The following SHTN1 variants were observed in gnomAD, a reference collection of about 807,000 sequenced individuals.
SHTN1 encodes shootin 1.
In SHTN1, 42 loss-of-function variants were observed where a neutral mutation model predicts 83.1. The ratio of observed to expected loss-of-function variants is 0.51; its 90% CI spans 0.39 to 0.65. The LOEUF (loss-of-function observed/expected upper bound fraction) is 0.65, where lower values mean the gene tolerates loss of function less well. Among genes scored for constraint, SHTN1 ranks in the 30% least tolerant of loss-of-function variants. The pLI, the probability that SHTN1 is intolerant of heterozygous loss-of-function variation, is 0.00. For missense variants in SHTN1, 622 were observed against 737.8 expected (o/e 0.84, Z 1.82); for synonymous variants, 224 against 247.7 (o/e 0.90, Z 0.90).
At position 116,987,927 on chromosome 10, in the gene SHTN1, C is replaced by A. The variant is rs138700561; in HGVS notation, c.59-8619G>T. On this transcript the variant is annotated intron_variant, in intron 1 of 16. Transcript: ENST00000355371. ...ACTCCGTCTCAAAAAAACAAACAAA[C>A]AAAAAAAAAAACCGTGGGTGCCAAG... is the stretch of plus-strand genomic sequence containing the variant. 2.9e-4 allele frequency among the ~76,000 whole-genome samples: 40 copies of A among 139,672 alleles called. No individual in the cohort carries two copies. The South Asian group carries it at 3.1e-3, about 11-fold the overall frequency. 91.6% of individuals were successfully genotyped at this position (139,672 alleles called of 152,430 possible).
intron 1 of SHTN1, among the ~76,000 whole-genome samples, chr10:116,981,373 G>A (rs1221863661): frequency 6.6e-6 from 1 of 152,110 alleles, no homozygotes; most frequent in African/African-American, 2.4e-5. Flanking sequence ...GACTGACCTA[G>A]AATGAAGCTC....
At position 117,103,305 on chromosome 10, in the gene SHTN1, G is replaced by C. The variant is rs148855219; in HGVS notation, c.-189+23002C>G. ...GGGGTTTCATCATGTTAGCCAGGCT[G>C]GTCTCGAACTCCTGACCTCAAGTGA... On this transcript the variant is annotated intron_variant, in intron 1 of 17. Coordinates refer to the SHTN1 transcript ENST00000392901. Among the ~76,000 whole-genome samples the C allele has an allele frequency of 9.9e-3, 1,504 of 152,038 alleles. 19 individuals carry two copies. Among genetic ancestry groups the C allele is most frequent in the African/African-American group, 0.035 (1,434 of 41,468 alleles).
intron 1 of SHTN1, among the ~76,000 whole-genome samples, chr10:117,061,764 C>T (rs1852907783): frequency 1.3e-5 from 2 of 152,340 alleles, no homozygotes; most frequent in South Asian, 2.1e-4. Flanking sequence ...AGCCACCACA[C>T]CTCGCCAGGT....
At chr10:116,984,841 C>CT (rs1339529864) in intron 1 of SHTN1, among the ~76,000 whole-genome samples, 1 of 152,214 alleles carries the variant, frequency 6.6e-6, no homozygotes, top group Non-Finnish European at 1.5e-5. Context: ...TCCCACTCTA[C>CT]TGCCCACCAT....
At chr10:117,017,046 A>T (rs1231832678) in intron 2 of SHTN1, among the ~76,000 whole-genome samples, 1 of 152,134 alleles carries the variant, frequency 6.6e-6, no homozygotes, top group Non-Finnish European at 1.5e-5. Context: ...GGCTGATTCT[A>T]AGGCTGTGGC....
intron 3 of SHTN1, 155 bp from the exon 4 acceptor site, chr10:116,960,385 T>A (rs1452369295): frequency 2.0e-6 from 1 of 508,834 alleles, no homozygotes; most frequent in Non-Finnish European, 3.5e-6. Flanking sequence ...GCTGCCCTGA[T>A]TAAATCTGAG....
intron 3 of SHTN1, among the ~76,000 whole-genome samples, chr10:116,963,036 T>A (rs1850240663): frequency 4.2e-4 from 1 of 2,370 alleles, no homozygotes; most frequent in Non-Finnish European, 1.6e-3. Flanking sequence ...ATAATAAAAG[T>A]TTTTTTTTTT....
At chr10:116,889,856 T>C (rs1847281194) in intron 16 of SHTN1, among the ~76,000 whole-genome samples, 1 of 152,236 alleles carries the variant, frequency 6.6e-6, no homozygotes, top group African/African-American at 2.4e-5. Context: ...ATTTTTCCCC[T>C]GTGGTTTGTA....
At chr10:116,953,972 C>G (rs765250515) in intron 5 of SHTN1, 70 bp downstream of exon 5, 4 of 1,242,778 alleles carry the variant, frequency 3.2e-6, no homozygotes, top group Non-Finnish European at 4.5e-6. Context: ...TTCTGATGTG[C>G]AGTCAGGGTT....
chr10:117,025,915 C>T (rs1852326953), intron 2 of SHTN1, among the ~76,000 whole-genome samples: 1 of 152,140 alleles, frequency 6.6e-6, no homozygotes, highest in Non-Finnish European at 1.5e-5. Flanking sequence ...AGCAGCAATA[C>T]CCAGATACTA....
intron 2 of SHTN1, among the ~76,000 whole-genome samples, chr10:116,979,017 T>G (rs1297145590): frequency 6.6e-6 from 1 of 152,228 alleles, no homozygotes; most frequent in Non-Finnish European, 1.5e-5. Flanking sequence ...TTGCTGCACA[T>G]TTAGCCATGT....
intron 2 of SHTN1, among the ~76,000 whole-genome samples, chr10:117,037,007 A>C (rs1852508037): frequency 6.6e-6 from 1 of 152,244 alleles, no homozygotes; most frequent in African/African-American, 2.4e-5. Context: ...TCTATGTAGA[A>C]AATCCAAAAG....
chr10:116,993,212 T>C (rs1851509489), intron 1 of SHTN1, among the ~76,000 whole-genome samples: 1 of 152,056 alleles, frequency 6.6e-6, no homozygotes, highest in African/African-American at 2.4e-5. Context: ...AGACAAGGTT[T>C]CACCGTGTTA....
chr10:117,035,819 G>A (rs1852485899), intron 2 of SHTN1, among the ~76,000 whole-genome samples: 1 of 28,154 alleles, frequency 3.6e-5, no homozygotes. Flanking sequence ...GGTAGCACAT[G>A]CCTGTAAATC....
At chr10:116,991,999 A>T (rs1244622869) in intron 1 of SHTN1, among the ~76,000 whole-genome samples, 1 of 151,972 alleles carries the variant, frequency 6.6e-6, no homozygotes, top group African/African-American at 2.4e-5. Flanking sequence ...CATACTAGCC[A>T]GGCGTAGTGG....
chr10:116,913,644 T>C (rs1053119461), intron 13 of SHTN1, among the ~76,000 whole-genome samples: 29 of 152,356 alleles, frequency 1.9e-4, no homozygotes, highest in African/African-American at 7.0e-4. Flanking sequence ...TCTCTAGTAA[T>C]AGTTTGGTTT....
chr10:116,957,443 G>A (rs1055231850), intron 4 of SHTN1, among the ~76,000 whole-genome samples: 4 of 151,024 alleles, frequency 2.6e-5, no homozygotes, highest in African/African-American at 4.9e-5. Context: ...TAGTAGAGAC[G>A]GGGTTTCACC....
chr10:117,005,153 A>C lies in SHTN1; in HGVS notation c.-74T>G. 6.4e-7 allele frequency: 1 copy of C among 1,550,772 alleles called. No individual in the cohort carries two copies. Among genetic ancestry groups the C allele is most frequent in the Admixed American group, 2.0e-5 (1 of 51,042 alleles). ...GCACACAGGAGGAGGGGGAAGAAAA[A>C]GCAAGATGCCGGTGGCTTGCGGCTC... is the stretch of plus-strand genomic sequence containing the variant. On this transcript the variant is annotated 5_prime_UTR_variant, in exon 1 of 17. Coordinates refer to ENST00000355371, the MANE Select transcript of SHTN1 (RefSeq NM_001127211.3).
At chr10:116,945,702 A>C (rs1224725877) in intron 7 of SHTN1, among the ~76,000 whole-genome samples, 2 of 152,194 alleles carry the variant, frequency 1.3e-5, no homozygotes, top group Non-Finnish European at 2.9e-5. Flanking sequence ...GTGAAAAAAA[A>C]CTGAAGATAA....
Sources: allele counts gnomAD v4.1 joint callset (sites outside exome capture counted in the v4.1 genomes callset), GRCh38; gene constraint gnomAD v4.1.1; transcripts MANE v1.5; gene names NCBI Gene and HGNC (gene_info 2026-07-23, HGNC 2026-07-21).